ELAPOR1: variants seen among roughly 807,000 people sequenced by gnomAD.
ELAPOR1 encodes the protein endosome-lysosome associated apoptosis and autophagy regulator 1.
Under a neutral mutation model 119.7 loss-of-function variants are expected in ELAPOR1, and 77 were observed. The ratio of observed to expected loss-of-function variants is 0.64; its 90% CI spans 0.54 to 0.78. ELAPOR1 has a LOEUF of 0.78. Among genes scored for constraint, ELAPOR1 ranks in the 30% least tolerant of loss-of-function variants. ELAPOR1 has a pLI of 0.00. For missense variants in ELAPOR1, 1,115 were observed against 1,270.4 expected, an observed-to-expected ratio of 0.88 and a Z score of 1.86; for synonymous variants, 481 against 487.2, an observed-to-expected ratio of 0.99 and a Z score of 0.17.
chr1:109,135,868 T>C (rs1409842055), intron 1 of ELAPOR1, among the ~76,000 whole-genome samples: 1 of 152,216 alleles, frequency 6.6e-6, no homozygotes, highest in African/African-American at 2.4e-5. Context: ...CAGTCTTTGA[T>C]GTCAAGGATC....
At chr1:109,154,281 C>CAAA (rs745938875) in intron 1 of ELAPOR1, among the ~76,000 whole-genome samples, 13 of 39,678 alleles carry the variant, frequency 3.3e-4, no homozygotes, top group South Asian at 8.6e-4. Context: ...AACTCCGTCT[C>CAAA]AAAAAAAAAA....
At chr1:109,114,489 T>C (rs754205061) in intron 1 of ELAPOR1, among the ~76,000 whole-genome samples, 153 bp downstream of exon 1, 1 of 152,110 alleles carries the variant, frequency 6.6e-6, no homozygotes, top group African/African-American at 2.4e-5. Context: ...GGAGCCAGTC[T>C]GGCGTCATGA....
chr1:109,181,275 G>A (rs1054835011), intron 7 of ELAPOR1, among the ~76,000 whole-genome samples: 1 of 152,164 alleles, frequency 6.6e-6, no homozygotes, highest in African/African-American at 2.4e-5. Flanking sequence ...TTGAAAGGAG[G>A]AGGCAGGTGC....
chr1:109,186,736 G>C, intron 8 of ELAPOR1: 9 of 985,586 alleles, frequency 9.1e-6, no homozygotes, highest in Non-Finnish European at 1.1e-5. Flanking sequence ...TCTCCCTCCT[G>C]TTCATAACAT....
At chr1:109,177,157 G>C (rs1223369362) in intron 7 of ELAPOR1, among the ~76,000 whole-genome samples, 23 of 150,166 alleles carry the variant, frequency 1.5e-4, no homozygotes, top group Non-Finnish European at 3.4e-4. Context: ...GGGCAGAGGG[G>C]CTCCTCACTT....
At chr1:109,157,200 C>T (rs747997201) in intron 1 of ELAPOR1, among the ~76,000 whole-genome samples, 1 of 152,174 alleles carries the variant, frequency 6.6e-6, no homozygotes, top group African/African-American at 2.4e-5. Flanking sequence ...ACAGGCTGCT[C>T]TCAAACACCG....
At chr1:109,136,519 A>G (rs2100989758) in intron 1 of ELAPOR1, among the ~76,000 whole-genome samples, 1 of 152,332 alleles carries the variant, frequency 6.6e-6, no homozygotes, top group Middle Eastern at 3.4e-3. Flanking sequence ...AAAGCCACCC[A>G]GTCTGTGGCA....
At position 109,192,632 on chromosome 1, in the gene ELAPOR1, G is replaced by A. The variant is rs952101767; in HGVS notation, c.1705G>A (p.Val569Ile). The A allele has an allele frequency of 2.2e-5, 36 of 1,613,794 alleles. No homozygotes were observed. The highest frequency in any genetic ancestry group is 1.1e-4 in the East Asian group (5 of 44,890). The part of the protein sequence containing the change: ...HEASRKYTND[V>I]AKIYSINVTN... ...CCAGAGCAGGAAGTACACCAATGAC[G>A]TTGCCAAGATCTACTCCATCAATGT... Residue 569 changes from valine to isoleucine, a missense_variant, in exon 14 of 22, where the codon GTT (valine) becomes ATT (isoleucine). Val to Ile is a conservative substitution (Grantham distance 29). Transcript: ENST00000369939.
intron 15 of ELAPOR1, 105 bp downstream of exon 15, chr1:109,194,699 G>A (rs1157336943): frequency 2.0e-6 from 2 of 977,038 alleles, no homozygotes; most frequent in African/African-American, 3.2e-5. Flanking sequence ...AGGTAGCAGG[G>A]GGTTGAGGAG....
intron 7 of ELAPOR1, among the ~76,000 whole-genome samples, chr1:109,183,605 C>CCTCCCTCCCTCCTTCCTTCCTTTT (rs1553256402): frequency 9.2e-6 from 1 of 109,042 alleles, no homozygotes; most frequent in African/African-American, 3.5e-5. Context: ...TCCTTCCTTC[C>CCTCCCTCCCTCCTTCCTTCCTTTT]TTCCATCCTT....
intron 18 of ELAPOR1, 124 bp from the exon 19 acceptor site, chr1:109,199,730 G>C (rs1420960161): frequency 8.8e-7 from 1 of 1,131,820 alleles, no homozygotes. Flanking sequence ...AAGGATCCTG[G>C]TAGGGCTAAT....
intron 8 of ELAPOR1, among the ~76,000 whole-genome samples, 163 bp downstream of exon 8, chr1:109,185,296 C>A (rs181108011): frequency 7.9e-4 from 120 of 152,090 alleles, no homozygotes; most frequent in African/African-American, 2.7e-3. Flanking sequence ...GGGGGCAAAA[C>A]GAGACCTCTT....
At chr1:109,164,939 G>C (rs945524876) in intron 3 of ELAPOR1, among the ~76,000 whole-genome samples, 2 of 152,164 alleles carry the variant, frequency 1.3e-5, no homozygotes, top group African/African-American at 2.4e-5. Context: ...AAAAACATGA[G>C]GAAATAAGAG....
Position 109,114,354 on chromosome 1 carries a change from C to T in ELAPOR1, c.153+18C>T. 1 of 1,561,290 alleles carries T rather than the reference C, an allele frequency of 6.4e-7. No individual in the cohort carries two copies. The highest frequency in any genetic ancestry group is 1.9e-5 in the Admixed American group (1 of 52,192). ...GCAAAGAGGTACTGCCGCCCCCCTA[C>T]CCGATCCCGCTTTGGTCACAAAAGT... On this transcript the variant is annotated intron_variant, in intron 1 of 21. Coordinates refer to ENST00000369939, the MANE Select transcript of ELAPOR1 (RefSeq NM_020775.5).
rs71069655 is a variant in ELAPOR1 at position 109,144,061 on chromosome 1, A to ATTTTTTTTTTTTTTTT, written c.154-17818_154-17817insTTTTTTTTTTTTTTTT. ...TATATATATATATATATATTTATAT[A>ATTTTTTTTTTTTTTTT]TTTTTTTTTTTTTTTGAGATGGAGT... On this transcript the variant is annotated intron_variant, in intron 1 of 21. Transcript: ENST00000369939. Among the ~76,000 whole-genome samples the ATTTTTTTTTTTTTTTT allele has an allele frequency of 2.2e-3, 197 of 88,950 alleles. 14 individuals carry two copies. The highest frequency in any genetic ancestry group is 8.0e-3 in the African/African-American group (165 of 20,704). The allele number at this position is 88,950 out of a possible 152,430, so 58.4% of individuals were successfully genotyped here.
intron 7 of ELAPOR1, among the ~76,000 whole-genome samples, chr1:109,174,861 G>A (rs1652166469): frequency 6.6e-6 from 1 of 151,928 alleles, no homozygotes; most frequent in Non-Finnish European, 1.5e-5. Flanking sequence ...GACTACAGGC[G>A]CCCGCCACTG....
intron 1 of ELAPOR1, among the ~76,000 whole-genome samples, chr1:109,125,177 C>T (rs1000263806): frequency 2.0e-5 from 3 of 151,918 alleles, no homozygotes; most frequent in Non-Finnish European, 1.5e-5. Flanking sequence ...GATCAACCCA[C>T]CTCGGCCTCC....
intron 7 of ELAPOR1, among the ~76,000 whole-genome samples, chr1:109,184,097 C>T (rs573646164): frequency 2.2e-4 from 34 of 152,190 alleles, no homozygotes; most frequent in Non-Finnish European, 4.0e-4. Flanking sequence ...AGAGGCCGGG[C>T]ACGGTGGCTC....
At chr1:109,161,794 G>C (rs1651277464) in intron 1 of ELAPOR1, 100 bp from the exon 2 acceptor site, 1 of 1,418,798 alleles carries the variant, frequency 7.0e-7, no homozygotes, top group African/African-American at 1.4e-5. Flanking sequence ...ATTTCTGAGA[G>C]GATGAGCATC....
Sources: gnomAD v4.1 joint callset for allele counts (sites outside exome capture counted in the v4.1 genomes callset) on GRCh38, gnomAD v4.1.1 for gene constraint, MANE v1.5 for transcripts, NCBI Gene and HGNC (gene_info 2026-07-23, HGNC 2026-07-21) for gene names.